Variants in USP20 observed in about 807,000 individuals in gnomAD.
The protein encoded by USP20 is ubiquitin carboxyl-terminal hydrolase 20.
In USP20, 80 loss-of-function variants were observed where a neutral mutation model predicts 124.2. That is an observed-to-expected ratio of 0.64 (90% CI 0.54 to 0.78). The LOEUF (loss-of-function observed/expected upper bound fraction) is 0.78, where lower values mean the gene tolerates loss of function less well. Among genes scored for constraint, USP20 ranks in the 30% least tolerant of loss-of-function variants. The pLI is 0.00. For missense variants in USP20, 1,043 were observed against 1,244.4 expected (o/e 0.84, Z 2.44); for synonymous variants, 481 against 512.3 (o/e 0.94, Z 0.83).
chr9:129,869,163 G>T, intron 12 of USP20, 147 bp from the exon 13 acceptor site: 1 of 1,314,136 alleles, frequency 7.6e-7, no homozygotes, highest in South Asian at 1.3e-5. Context: ...TGCAGAGGAT[G>T]ACACAGAGGC....
rs750773129 is a variant in USP20, at chr9:129,875,572, A to C, written c.2231A>C (p.His744Pro). The change falls in exon 21 of 26, where the codon CAC becomes CCC. Residue 744 changes from histidine (H) to proline (P), a missense_variant. By Grantham distance (77) the His-to-Pro change is moderately conservative (BLOSUM62 -2). Transcript: ENST00000372429. The stretch of plus-strand genomic sequence containing the variant: ...ACCTTCTTCCCAGGCATCCCGCCCC[A>C]CAAATACCACTACATCGACGACCTG... ...FLCSHGGIPP[H>P]KYHYIDDLVV... 1 of 1,613,942 alleles carries C rather than the reference A, an allele frequency of 6.2e-7. No individual in the cohort carries two copies. Among genetic ancestry groups the C allele is most frequent in the South Asian group, 1.1e-5 (1 of 91,086 alleles).
chr9:129,850,874 G>C (rs1388110995), intron 2 of USP20, among the ~76,000 whole-genome samples: 4 of 152,078 alleles, frequency 2.6e-5, no homozygotes, highest in Non-Finnish European at 5.9e-5. Flanking sequence ...GGCTGGTCTT[G>C]ATCTCCTGAC....
chr9:129,858,306 C>T (rs1345754012), intron 5 of USP20, among the ~76,000 whole-genome samples, 161 bp from the exon 6 acceptor site: 2 of 3,796 alleles, frequency 5.3e-4, no homozygotes, highest in African/African-American at 8.6e-4. Context: ...AGCAGCAGCC[C>T]TCAGGGTCCT....
At chr9:129,842,417 A>G (rs1004638043) in intron 1 of USP20, among the ~76,000 whole-genome samples, 1 of 152,102 alleles carries the variant, frequency 6.6e-6, no homozygotes, top group Non-Finnish European at 1.5e-5. Context: ...TGTACACTAC[A>G]AGAGCAGGGC....
chr9:129,839,098 G>A lies in USP20; in HGVS notation c.-129+3599G>A, dbSNP rs1318689415. Among the ~76,000 whole-genome samples, 2 of 152,190 alleles carry A rather than the reference G, an allele frequency of 1.3e-5. No homozygotes were observed. Among genetic ancestry groups the A allele is most frequent in the African/African-American group, 4.8e-5 (2 of 41,438 alleles). On this transcript the variant is annotated intron_variant, in intron 1 of 25. Coordinates refer to ENST00000372429, the MANE Select transcript of USP20 (RefSeq NM_001110303.4). This position sits in a 1 kb window ranked among gnomAD's most constrained non-coding sequence, Gnocchi z 4.5. ...GCTGGCCGGGGCTGTTTGTGACATC[G>A]TGGAGCTGAGTGTTCAGAGCATGGG...
chr9:129,864,987 C>G (rs1478611887), intron 9 of USP20, among the ~76,000 whole-genome samples: 1 of 152,126 alleles, frequency 6.6e-6, no homozygotes, highest in Admixed American at 6.5e-5. Context: ...ACATGTCTTA[C>G]TTTTGAAATG....
At chr9:129,872,771 G>C (rs1449289603) in intron 15 of USP20, among the ~76,000 whole-genome samples, 2 of 152,244 alleles carry the variant, frequency 1.3e-5, no homozygotes, top group South Asian at 4.1e-4. Flanking sequence ...TGTGACCCCA[G>C]CTACTCCGGA....
rs2033662844 is a variant in USP20, at chr9:129,863,628, A to T, written c.611+329A>T. On this transcript the variant is annotated intron_variant, in intron 9 of 25. Coordinates refer to ENST00000372429, the MANE Select transcript of USP20 (RefSeq NM_001110303.4). ...GAGACATGGTGACCCGGCCTCAGCC[A>T]GGACTGTGTGTGTAGAAGGAGGTGT... Among the ~76,000 whole-genome samples the T allele has an allele frequency of 2.6e-5, 4 of 152,234 alleles. No individual in the cohort carries two copies. In the South Asian group the frequency reaches 8.3e-4, roughly 32 times the overall value.
intron 8 of USP20, among the ~76,000 whole-genome samples, chr9:129,862,599 A>G (rs1162292452): frequency 6.6e-6 from 1 of 150,596 alleles, no homozygotes; most frequent in Non-Finnish European, 1.5e-5. Flanking sequence ...TTTAACTTTA[A>G]TAACCTCTTT....
chr9:129,875,650 C>G lies in USP20; in HGVS notation c.2300+9C>G. The G allele has an allele frequency of 6.2e-7, 1 of 1,613,536 alleles. No homozygotes were observed. The highest frequency in any genetic ancestry group is 8.5e-7 in the Non-Finnish European group (1 of 1,179,756). On this transcript the variant is annotated intron_variant, in intron 21 of 25. Transcript: ENST00000372429. ...GAGCACCTGTACAACAGGTGAGAGC[C>G]TGGGAGGCCAACTTGTCTCCGTCCT...
chr9:129,848,955 CTG>C (rs1327493973), intron 1 of USP20, among the ~76,000 whole-genome samples: 4 of 152,218 alleles, frequency 2.6e-5, no homozygotes, highest in Non-Finnish European at 5.9e-5. Context: ...ATCTGGGAAA[CTG>C]TGACCTGCCA....
At chr9:129,855,510 A>G (rs1403468564) in intron 3 of USP20, among the ~76,000 whole-genome samples, 1 of 151,938 alleles carries the variant, frequency 6.6e-6, no homozygotes, top group Non-Finnish European at 1.5e-5. Context: ...TAGCTCTGCC[A>G]TTCTCAACAT....
At chr9:129,864,766 T>C (rs1288759655) in intron 9 of USP20, among the ~76,000 whole-genome samples, 1 of 89,810 alleles carries the variant, frequency 1.1e-5, no homozygotes, top group African/African-American at 4.7e-5. Flanking sequence ...AGAGCAAGAC[T>C]CTGTCCCAAA....
In USP20 at chr9:129,881,772, A is replaced by G. The variant is rs1041712183; in HGVS notation, c.*1322A>G. On this transcript the variant is annotated 3_prime_UTR_variant, in exon 26 of 26. Coordinates refer to ENST00000372429, the MANE Select transcript of USP20 (RefSeq NM_001110303.4). ...TCTGTGCAGGCTGGGATCGGGCCCC[A>G]TGTCTGTGCTGTCTAGTTTGTGTTC... The G allele has an allele frequency of 6.6e-6, 1 of 152,290 alleles. No individual in the cohort carries two copies. Among genetic ancestry groups the G allele is most frequent in the African/African-American group, 2.4e-5 (1 of 41,478 alleles). The allele number at this position is 152,290 out of a possible 1,614,324, so 9.4% of individuals were successfully genotyped here.
rs2033218297 is a variant in USP20, at chr9:129,856,380, A to G, written c.135+20A>G. ...CTGCAGGTAAAAGACCCTTGTGGCCATCAGGGGTGTAGAGCTGCTTCCACC... is the reference window on the plus strand; with the variant it reads ...CTGCAGGTAAAAGACCCTTGTGGCCGTCAGGGGTGTAGAGCTGCTTCCACC... On this transcript the variant is annotated intron_variant, in intron 4 of 25. Transcript: ENST00000372429. 3 of 1,613,630 alleles carry G rather than the reference A, an allele frequency of 1.9e-6. No homozygotes were observed. Among genetic ancestry groups the G allele is most frequent in the Non-Finnish European group, 1.7e-6 (2 of 1,179,514 alleles).
At chr9:129,865,459 G>A in intron 10 of USP20, 78 bp downstream of exon 10, 2 of 1,500,752 alleles carry the variant, frequency 1.3e-6, no homozygotes, top group South Asian at 1.1e-5. Flanking sequence ...AACCAGAGTG[G>A]AAAATCGCAA....
chr9:129,841,665 C>T (rs1012750640), intron 1 of USP20, among the ~76,000 whole-genome samples: 1 of 152,212 alleles, frequency 6.6e-6, no homozygotes, highest in Admixed American at 6.5e-5. Flanking sequence ...AGCAAAGGTG[C>T]TCAGCAGGAA....
intron 3 of USP20, among the ~76,000 whole-genome samples, chr9:129,854,815 G>T (rs2033127825): frequency 6.6e-6 from 1 of 152,154 alleles, no homozygotes; most frequent in Non-Finnish European, 1.5e-5. Flanking sequence ...GCAGATCTCA[G>T]CTTCATCGTA....
chr9:129,854,766 C>T (rs1198923487), intron 3 of USP20, among the ~76,000 whole-genome samples: 1 of 152,152 alleles, frequency 6.6e-6, no homozygotes, highest in Non-Finnish European at 1.5e-5. Flanking sequence ...TCTCCTGGCA[C>T]CCACAGCATC....
Sources: gnomAD v4.1 joint callset for allele counts (sites outside exome capture counted in the v4.1 genomes callset) on GRCh38, gnomAD v4.1.1 for gene constraint, Gnocchi (gnomAD v3.1) non-coding constraint, MANE v1.5 for transcripts, NCBI Gene and HGNC (gene_info 2026-07-23, HGNC 2026-07-21) for gene names.